GARIN1A: variants seen among roughly 807,000 people sequenced by gnomAD.
GARIN1A encodes the protein Golgi-associated RAB2 interactor protein 1A.
chr7:128,672,000 C>T, the GARIN1A span, among the ~76,000 whole-genome samples: 8 of 152,274 alleles, frequency 5.3e-5, no homozygotes, highest in African/African-American at 1.9e-4. Flanking sequence ...CTGTATGTTC[C>T]CGAGAGCCTT....
At chr7:128,707,177 G>A in the GARIN1A span, among the ~76,000 whole-genome samples, 1 of 150,976 alleles carries the variant, frequency 6.6e-6, no homozygotes, top group African/African-American at 2.4e-5. Context: ...ATCACCTCCC[G>A]AATTTTCCTT....
At chr7:128,675,712 G>A in the GARIN1A span, 7 of 1,613,670 alleles carry the variant, frequency 4.3e-6, no homozygotes, top group Middle Eastern at 1.6e-4. Flanking sequence ...GTCTGTGAAG[G>A]GTCTGCCACC....
the GARIN1A span, chr7:128,680,030 G>A: frequency 6.4e-7 from 1 of 1,553,830 alleles, no homozygotes; most frequent in Non-Finnish European, 8.7e-7. Flanking sequence ...TCTCCATCCA[G>A]CCTGAAAACA....
the GARIN1A span, chr7:128,675,904 G>C: frequency 7.3e-7 from 1 of 1,365,574 alleles, no homozygotes; most frequent in Non-Finnish European, 1.0e-6. Context: ...TGATTGACTG[G>C]GATATGCATT....
At chr7:128,699,557 C>G in the GARIN1A span, among the ~76,000 whole-genome samples, 1 of 152,190 alleles carries the variant, frequency 6.6e-6, no homozygotes, top group South Asian at 2.1e-4. Context: ...AGCTTAAGTG[C>G]ATTGCGATCC....
At chr7:128,682,870 C>T in the GARIN1A span, 12 of 1,003,360 alleles carry the variant, frequency 1.2e-5, no homozygotes, top group Non-Finnish European at 1.7e-5. Flanking sequence ...AGCCACTGCA[C>T]CCAGCTGAAA....
At chr7:128,685,354 T>C in the GARIN1A span, 1 of 152,238 alleles carries the variant, frequency 6.6e-6, no homozygotes, top group African/African-American at 2.4e-5. Context: ...AAGTCCTATT[T>C]TGGAGACATA....
chr7:128,680,987 C>T, the GARIN1A span, among the ~76,000 whole-genome samples: 3 of 152,250 alleles, frequency 2.0e-5, no homozygotes, highest in Non-Finnish European at 4.4e-5. Flanking sequence ...AAACTCAAAG[C>T]AAGATAGTGC....
chr7:128,699,268 C>G, the GARIN1A span, among the ~76,000 whole-genome samples: 16 of 142,738 alleles, frequency 1.1e-4, no homozygotes, highest in Admixed American at 2.7e-4. Context: ...CTGCCCCCCC[C>G]CCCCCACCAC....
the GARIN1A span, chr7:128,677,481 T>C: frequency 2.2e-6 from 3 of 1,370,176 alleles, no homozygotes; most frequent in Non-Finnish European, 2.8e-6. Flanking sequence ...CACTCTAGCC[T>C]CGGCGGCAGC....
chr7:128,701,580 G>T, the GARIN1A span, among the ~76,000 whole-genome samples: 2 of 152,062 alleles, frequency 1.3e-5, no homozygotes, highest in Non-Finnish European at 2.9e-5. Context: ...ATTTTAAAGA[G>T]CGAGAAGGTA....
At chr7:128,678,140 C>T in the GARIN1A span, 3 of 192,308 alleles carry the variant, frequency 1.6e-5, no homozygotes, top group East Asian at 3.0e-4. Context: ...TGTGCCTCAG[C>T]CTCCAGAGTA....
chr7:128,689,810 A>G, the GARIN1A span, among the ~76,000 whole-genome samples: 5 of 143,872 alleles, frequency 3.5e-5, no homozygotes, highest in African/African-American at 1.3e-4. Flanking sequence ...CCGCCCAGCC[A>G]GCCGCCCCGT....
chr7:128,691,339 C>G, the GARIN1A span: 1 of 152,226 alleles, frequency 6.6e-6, no homozygotes, highest in Non-Finnish European at 1.5e-5. Context: ...GAAACCCAGG[C>G]AGGAGATCAG....
chr7:128,680,564 C>CTTTT, the GARIN1A span, among the ~76,000 whole-genome samples: 17 of 113,752 alleles, frequency 1.5e-4, 3 homozygotes, highest in Admixed American at 3.5e-4. Context: ...TTCTTTCTTT[C>CTTTT]TTTTTATTTT....
the GARIN1A span, chr7:128,697,392 T>C: frequency 2.0e-5 from 3 of 152,350 alleles, no homozygotes; most frequent in African/African-American, 7.2e-5. Context: ...AGCGGACAAC[T>C]CTGAGGGCGT....
the GARIN1A span, chr7:128,672,455 C>T: frequency 6.2e-7 from 1 of 1,608,874 alleles, no homozygotes; most frequent in African/African-American, 1.3e-5. Context: ...TGGAGTGGAA[C>T]TTGGGGTGGA....
At chr7:128,677,574 CT>C in the GARIN1A span, 1 of 1,607,190 alleles carries the variant, frequency 6.2e-7, no homozygotes, top group Non-Finnish European at 8.5e-7. Flanking sequence ...GCTTCTCCCC[CT>C]GAAGTACGTG....
chr7:128,684,614 C>CAAAAAAAAAA, the GARIN1A span: 1 of 92,362 alleles, frequency 1.1e-5, no homozygotes, highest in African/African-American at 4.3e-5. Context: ...GACTCCATCT[C>CAAAAAAAAAA]AAAAAAAAAA....
Sources: allele counts gnomAD v4.1 joint callset (sites outside exome capture counted in the v4.1 genomes callset), GRCh38; gene constraint gnomAD v4.1.1; transcripts MANE v1.5; gene names NCBI Gene and HGNC (gene_info 2026-07-23, HGNC 2026-07-21).